The following ASIC2 variants were observed in gnomAD, a reference collection of about 807,000 sequenced individuals.
ASIC2 encodes the protein acid sensing ion channel subunit 2.
Under a neutral mutation model 57.3 loss-of-function variants are expected in ASIC2, and 25 were observed. The observed-to-expected ratio is 0.44, with a 90% CI of 0.32 to 0.61. ASIC2 has a LOEUF of 0.61. Among genes scored for constraint, ASIC2 ranks in the 20% least tolerant of loss-of-function variants. The pLI is 0.06. For synonymous variants in ASIC2, 319 were observed against 307.5 expected, an observed-to-expected ratio of 1.04 and a Z score of -0.39; for missense variants, 641 against 738.1, an observed-to-expected ratio of 0.87 and a Z score of 1.52.
chr17:33,776,799 A>T (rs1410100721), intron 1 of ASIC2, among the ~76,000 whole-genome samples: 1 of 152,216 alleles, frequency 6.6e-6, no homozygotes, highest in Non-Finnish European at 1.5e-5. Context: ...GCTTCGTGAT[A>T]GAATTTGAGT....
intron 1 of ASIC2, among the ~76,000 whole-genome samples, chr17:33,141,404 G>T (rs1392758142): frequency 6.6e-6 from 1 of 152,214 alleles, no homozygotes; most frequent in Non-Finnish European, 1.5e-5. Context: ...TGCTCAGGGG[G>T]AAAACTGGGG....
intron 1 of ASIC2, chr17:33,291,049 G>A (rs1343901069): frequency 7.9e-6 from 2 of 252,552 alleles, no homozygotes; most frequent in Admixed American, 5.3e-5. Flanking sequence ...TCCAAACACA[G>A]AGCAGTTTCT....
intron 1 of ASIC2, among the ~76,000 whole-genome samples, chr17:34,086,526 G>T (rs914474277): frequency 7.2e-5 from 11 of 152,148 alleles, no homozygotes; most frequent in Middle Eastern, 3.4e-3. Context: ...TTGATTTGGG[G>T]TGGAGAGTTC....
At chr17:34,011,597 CT>C (rs1906763258) in intron 1 of ASIC2, among the ~76,000 whole-genome samples, 1 of 152,108 alleles carries the variant, frequency 6.6e-6, no homozygotes, top group Non-Finnish European at 1.5e-5. Flanking sequence ...CGCTGAGCTC[CT>C]TGAAGGAGAG....
At chr17:33,812,728 A>G (rs892362013) in intron 1 of ASIC2, among the ~76,000 whole-genome samples, 3 of 152,172 alleles carry the variant, frequency 2.0e-5, no homozygotes, top group African/African-American at 2.4e-5. Flanking sequence ...CTCATATGAG[A>G]TTATAATGTA....
intron 1 of ASIC2, among the ~76,000 whole-genome samples, chr17:33,354,330 G>T (rs537705355): frequency 6.6e-6 from 1 of 152,180 alleles, no homozygotes; most frequent in East Asian, 1.9e-4. Flanking sequence ...CCCACTATGA[G>T]CCCCCTGGAG....
At chr17:34,128,553 A>G (rs1242268971) in intron 1 of ASIC2, among the ~76,000 whole-genome samples, 2 of 152,128 alleles carry the variant, frequency 1.3e-5, no homozygotes, top group East Asian at 1.9e-4. Context: ...CAAGAGCCTC[A>G]GTTTCCTCAT....
chr17:33,565,671 G>A (rs1449624202), intron 1 of ASIC2: 4 of 152,232 alleles, frequency 2.6e-5, no homozygotes, highest in Non-Finnish European at 4.4e-5. Context: ...CTAACAATGG[G>A]AAGGGCCATG....
intron 1 of ASIC2, among the ~76,000 whole-genome samples, chr17:33,445,272 A>G (rs534152646): frequency 6.6e-6 from 1 of 152,220 alleles, no homozygotes; most frequent in African/African-American, 2.4e-5. Flanking sequence ...TACTAAAAAT[A>G]CAAAAAAAAT....
chr17:34,059,719 G>A (rs767200145), intron 1 of ASIC2, among the ~76,000 whole-genome samples: 1 of 152,076 alleles, frequency 6.6e-6, no homozygotes, highest in Non-Finnish European at 1.5e-5. Context: ...GTGACTGCCG[G>A]CTTTCCCCTA....
At chr17:34,109,932 G>A (rs1169753753) in intron 1 of ASIC2, among the ~76,000 whole-genome samples, 1 of 151,762 alleles carries the variant, frequency 6.6e-6, no homozygotes, top group African/African-American at 2.4e-5. Flanking sequence ...GTATATGCGT[G>A]TGTGTGTGTG....
intron 1 of ASIC2, among the ~76,000 whole-genome samples, chr17:33,916,928 G>A (rs1191777027): frequency 4.6e-5 from 7 of 152,162 alleles, no homozygotes; most frequent in African/African-American, 1.4e-4. Context: ...AGGCTTTGAG[G>A]AAATGGCAGT....
chr17:33,742,334 C>T (rs1910137391), intron 1 of ASIC2, among the ~76,000 whole-genome samples: 1 of 152,144 alleles, frequency 6.6e-6, no homozygotes, highest in Non-Finnish European at 1.5e-5. Flanking sequence ...ATGCCACCTC[C>T]CTCTCATTTT....
chr17:33,429,772 A>G (rs966832498), intron 1 of ASIC2, among the ~76,000 whole-genome samples: 1 of 152,192 alleles, frequency 6.6e-6, no homozygotes, highest in African/African-American at 2.4e-5. Flanking sequence ...TGAGAGAAAC[A>G]GTAGGTATAA....
intron 1 of ASIC2, among the ~76,000 whole-genome samples, chr17:33,317,810 A>G (rs1190782034): frequency 6.6e-6 from 1 of 152,158 alleles, no homozygotes; most frequent in Non-Finnish European, 1.5e-5. Context: ...AGGAAATCCA[A>G]GAGGACTTCA....
chr17:34,026,435 C>A (rs1907382479), intron 1 of ASIC2, among the ~76,000 whole-genome samples: 1 of 152,160 alleles, frequency 6.6e-6, no homozygotes, highest in South Asian at 2.1e-4. Flanking sequence ...GGAGAAACAG[C>A]TCTCCCAAAC....
At chr17:33,942,938 G>A (rs972839539) in intron 1 of ASIC2, among the ~76,000 whole-genome samples, 4 of 152,152 alleles carry the variant, frequency 2.6e-5, no homozygotes, top group South Asian at 2.1e-4. Flanking sequence ...AGAAGCATTC[G>A]TCCTTCCCAA....
intron 1 of ASIC2, among the ~76,000 whole-genome samples, chr17:33,610,869 T>A (rs1397907150): frequency 6.6e-6 from 1 of 152,166 alleles, no homozygotes; most frequent in Non-Finnish European, 1.5e-5. Context: ...CCCTCCAGCC[T>A]GAGCAACAGA....
At chr17:33,767,641 T>A (rs1910971451) in intron 1 of ASIC2, among the ~76,000 whole-genome samples, 1 of 152,238 alleles carries the variant, frequency 6.6e-6, no homozygotes, top group African/African-American at 2.4e-5. Flanking sequence ...TTAATTTATA[T>A]CAGATAATGC....
Sources: allele counts gnomAD v4.1 joint callset (sites outside exome capture counted in the v4.1 genomes callset), GRCh38; gene constraint gnomAD v4.1.1; transcripts MANE v1.5; gene names NCBI Gene and HGNC (gene_info 2026-07-23, HGNC 2026-07-21).